Variants in TASP1 observed in about 807,000 individuals in gnomAD.
The protein encoded by TASP1 is taspase 1.
TASP1 carries 16 observed loss-of-function variants against 56.6 expected under a neutral mutation model. That is an observed-to-expected ratio of 0.28 (90% CI 0.19 to 0.43). The LOEUF (loss-of-function observed/expected upper bound fraction) is 0.43. TASP1 is among the 20% of genes least tolerant of loss of function. TASP1 has a pLI of 1.00. For synonymous variants in TASP1, 179 were observed against 184.2 expected (o/e 0.97, Z 0.23); for missense variants, 393 against 511.6 (o/e 0.77, Z 2.24).
At chr20:13,482,740 C>T (rs922320865) in intron 11 of TASP1, among the ~76,000 whole-genome samples, 2 of 151,970 alleles carry the variant, frequency 1.3e-5, no homozygotes, top group South Asian at 2.1e-4. Flanking sequence ...GCTATTAAGC[C>T]GATGAATTTG....
the TASP1 span, among the ~76,000 whole-genome samples, chr20:13,154,492 T>C: frequency 2.6e-5 from 4 of 152,266 alleles, no homozygotes; most frequent in South Asian, 2.1e-4. Flanking sequence ...CTCCCCATAT[T>C]ACCATAAAAA....
the TASP1 span, among the ~76,000 whole-genome samples, chr20:13,107,993 A>T: frequency 6.6e-6 from 1 of 152,118 alleles, no homozygotes; most frequent in Non-Finnish European, 1.5e-5. Context: ...GTGTATTAAC[A>T]CTACTGTTTG....
chr20:13,373,837 T>C, the TASP1 span, among the ~76,000 whole-genome samples: 2 of 152,174 alleles, frequency 1.3e-5, no homozygotes, highest in African/African-American at 4.8e-5. Context: ...CTTTTTCTTC[T>C]CCTTTCTCTT....
the TASP1 span, among the ~76,000 whole-genome samples, chr20:13,136,309 G>A: frequency 5.5e-4 from 84 of 152,172 alleles, no homozygotes; most frequent in Non-Finnish European, 1.1e-3. Flanking sequence ...AGAAATAGAG[G>A]AATTTGGCCA....
the TASP1 span, among the ~76,000 whole-genome samples, chr20:13,145,914 TCA>T: frequency 1.3e-5 from 2 of 152,204 alleles, no homozygotes; most frequent in African/African-American, 4.8e-5. Context: ...TAATAAATAA[TCA>T]GCATCATTTA....
At chr20:13,157,402 A>C in the TASP1 span, among the ~76,000 whole-genome samples, 5 of 152,006 alleles carry the variant, frequency 3.3e-5, no homozygotes, top group African/African-American at 1.2e-4. Context: ...ATACCACTGC[A>C]CTCCAGCCTG....
chr20:13,497,405 CA>C (rs1568877697), intron 10 of TASP1, among the ~76,000 whole-genome samples: 1 of 152,150 alleles, frequency 6.6e-6, no homozygotes, highest in Non-Finnish European at 1.5e-5. Flanking sequence ...AGTGGTAAGA[CA>C]AAGGAAGATC....
the TASP1 span, among the ~76,000 whole-genome samples, chr20:13,347,671 T>C: frequency 6.6e-6 from 1 of 152,194 alleles, no homozygotes; most frequent in Non-Finnish European, 1.5e-5. Flanking sequence ...AAACCCCGTC[T>C]CTACTAAAAA....
chr20:13,109,133 T>C, the TASP1 span, among the ~76,000 whole-genome samples: 3 of 152,174 alleles, frequency 2.0e-5, no homozygotes, highest in African/African-American at 7.2e-5. Flanking sequence ...GGTAGGCAAG[T>C]TCTTCTAAAT....
chr20:13,621,064 A>C (rs1483879881), intron 4 of TASP1, among the ~76,000 whole-genome samples: 1 of 152,218 alleles, frequency 6.6e-6, no homozygotes, highest in Non-Finnish European at 1.5e-5. Flanking sequence ...CATATATTTC[A>C]TTCAAAGAGT....
chr20:13,531,915 T>C (rs535499933), intron 9 of TASP1, among the ~76,000 whole-genome samples: 2 of 152,310 alleles, frequency 1.3e-5, no homozygotes, highest in Admixed American at 1.3e-4. Context: ...CTACCTGCAT[T>C]GGCCTCCCAA....
chr20:13,603,108 G>T (rs1351980369), intron 4 of TASP1, among the ~76,000 whole-genome samples: 1 of 152,108 alleles, frequency 6.6e-6, no homozygotes, highest in Non-Finnish European at 1.5e-5. Flanking sequence ...GCGTGCATCT[G>T]TAATCTCAGC....
At chr20:13,608,790 T>C (rs533278065) in intron 4 of TASP1, among the ~76,000 whole-genome samples, 4 of 152,358 alleles carry the variant, frequency 2.6e-5, no homozygotes. Flanking sequence ...CACGGGGATA[T>C]AGCAGTGAAC....
At chr20:13,423,597 C>T (rs1333989161) in intron 12 of TASP1, among the ~76,000 whole-genome samples, 5 of 152,104 alleles carry the variant, frequency 3.3e-5, no homozygotes, top group African/African-American at 4.8e-5. Flanking sequence ...AAATAAAAGA[C>T]GATCATGTAT....
chr20:13,522,177 C>T (rs1003275474), intron 10 of TASP1, among the ~76,000 whole-genome samples: 2 of 152,136 alleles, frequency 1.3e-5, no homozygotes, highest in South Asian at 2.1e-4. Flanking sequence ...CCAACAAGGC[C>T]TTATAGGCCC....
the TASP1 span, among the ~76,000 whole-genome samples, chr20:13,153,604 A>C: frequency 6.6e-6 from 1 of 151,840 alleles, no homozygotes; most frequent in Non-Finnish European, 1.5e-5. Context: ...AGCATCTACC[A>C]ATATCTGCTA....
At chr20:13,147,375 T>C in the TASP1 span, among the ~76,000 whole-genome samples, 1 of 152,212 alleles carries the variant, frequency 6.6e-6, no homozygotes, top group East Asian at 1.9e-4. Context: ...CTGTAGCCTC[T>C]TGATCTTTAC....
chr20:13,198,481 A>G, the TASP1 span, among the ~76,000 whole-genome samples: 1 of 152,118 alleles, frequency 6.6e-6, no homozygotes, highest in Admixed American at 6.5e-5. Context: ...CCCACCTCCT[A>G]ATACTATCAC....
chr20:13,138,135 T>G, the TASP1 span, among the ~76,000 whole-genome samples: 1 of 152,228 alleles, frequency 6.6e-6, no homozygotes, highest in African/African-American at 2.4e-5. Context: ...TAGCACTTAT[T>G]ACCTCCTTGA....
Sources: allele counts gnomAD v4.1 joint callset (sites outside exome capture counted in the v4.1 genomes callset), GRCh38; gene constraint gnomAD v4.1.1; transcripts MANE v1.5; gene names NCBI Gene and HGNC (gene_info 2026-07-23, HGNC 2026-07-21).